Variants in OPHN1 observed in about 807,000 individuals in gnomAD.
The protein encoded by OPHN1 is oligophrenin-1.
In OPHN1, 11 loss-of-function variants were observed where a neutral mutation model predicts 60.7. That is an observed-to-expected ratio of 0.18 (90% CI 0.11 to 0.30). The LOEUF is 0.30. Among genes scored for constraint, OPHN1 ranks in the 10% least tolerant of loss-of-function variants. OPHN1 has a pLI of 1.00. For synonymous variants in OPHN1, 226 were observed against 222.6 expected (o/e 1.02, Z -0.14); for missense variants, 449 against 611.0 (o/e 0.73, Z 2.80).
intron 18 of OPHN1, 83 bp from the exon 19 acceptor site, chrX:68,097,112 G>A: frequency 1.1e-6 from 1 of 952,337 alleles, no homozygotes; most frequent in South Asian, 2.6e-5. Context: ...GCTGTAGAGG[G>A]TAAGAGAAAC....
intron 15 of OPHN1, among the ~76,000 whole-genome samples, chrX:68,163,063 A>AT (rs1187339630): frequency 3.6e-5 from 4 of 111,114 alleles, no homozygotes; most frequent in Non-Finnish European, 5.7e-5. Flanking sequence ...AACTCCAACT[A>AT]TTTTTGTTAA....
At chrX:68,057,912 A>G (rs1028638344) in intron 21 of OPHN1, among the ~76,000 whole-genome samples, 4 of 111,469 alleles carry the variant, frequency 3.6e-5, no homozygotes, top group African/African-American at 1.3e-4. Context: ...TGGGGATTGG[A>G]CTGTTTTTCC....
At chrX:68,189,006 A>G (rs996438987) in intron 15 of OPHN1, among the ~76,000 whole-genome samples, 23 of 112,621 alleles carry the variant, frequency 2.0e-4, no homozygotes, top group South Asian at 7.3e-4. Flanking sequence ...TGAAAATAAC[A>G]TAAATAACAT....
At chrX:68,284,482 T>C (rs1012180561) in intron 3 of OPHN1, among the ~76,000 whole-genome samples, 4 of 110,806 alleles carry the variant, frequency 3.6e-5, no homozygotes, top group Admixed American at 9.7e-5. Flanking sequence ...TGCAGAACCA[T>C]GAGCCAAATA....
chrX:68,244,554 C>G (rs2077796548), intron 5 of OPHN1, among the ~76,000 whole-genome samples: 1 of 111,754 alleles, frequency 8.9e-6, no homozygotes, highest in South Asian at 3.7e-4. Context: ...TGAATGAACA[C>G]ATGAAGCAAA....
At chrX:68,302,051 G>A (rs191210298) in intron 2 of OPHN1, among the ~76,000 whole-genome samples, 14 of 112,208 alleles carry the variant, frequency 1.2e-4, no homozygotes, top group Admixed American at 5.7e-4. Context: ...CCACGTTATC[G>A]CTTGTATCAG....
intron 15 of OPHN1, among the ~76,000 whole-genome samples, chrX:68,140,191 C>G (rs1602184876): frequency 9.0e-6 from 1 of 111,485 alleles, no homozygotes. Flanking sequence ...GTTACTCTAC[C>G]CATACAGGGT....
At chrX:68,194,021 C>T in intron 13 of OPHN1, 69 bp from the exon 14 acceptor site, 1 of 905,523 alleles carries the variant, frequency 1.1e-6, no homozygotes, top group South Asian at 2.0e-5. Context: ...ATTTAATGAC[C>T]ATGCAAAGGG....
chrX:68,271,754 C>T (rs2077970078), intron 5 of OPHN1, among the ~76,000 whole-genome samples: 1 of 110,925 alleles, frequency 9.0e-6, no homozygotes, highest in Non-Finnish European at 1.9e-5. Flanking sequence ...GTGAGAACCC[C>T]CTAGGGTGCA....
intron 19 of OPHN1, among the ~76,000 whole-genome samples, chrX:68,088,588 T>C (rs1412800037): frequency 9.0e-6 from 1 of 111,490 alleles, no homozygotes; most frequent in African/African-American, 3.3e-5. Context: ...AAGGTATTAA[T>C]AAAAGTATTA....
chrX:68,346,868 AAAGT>A (rs753710452), intron 2 of OPHN1, among the ~76,000 whole-genome samples: 1 of 112,314 alleles, frequency 8.9e-6, no homozygotes, highest in Non-Finnish European at 1.9e-5. Flanking sequence ...AAAAGCTGAC[AAAGT>A]AAGCTCAATT....
At chrX:68,323,220 T>C (rs1370490434) in intron 2 of OPHN1, among the ~76,000 whole-genome samples, 1 of 112,230 alleles carries the variant, frequency 8.9e-6, no homozygotes, top group African/African-American at 3.2e-5. Flanking sequence ...AAGATACAAT[T>C]ACATTTTTTA....
At chrX:68,112,558 T>C (rs192258074) in intron 17 of OPHN1, 10 of 115,520 alleles carry the variant, frequency 8.7e-5, no homozygotes, top group African/African-American at 3.2e-4. Context: ...TGAATCTTTT[T>C]CCTCTACACC....
chrX:68,218,572 G>C (rs1395028723), intron 6 of OPHN1, among the ~76,000 whole-genome samples: 1 of 110,861 alleles, frequency 9.0e-6, no homozygotes. Flanking sequence ...CAGACTAACA[G>C]CGGATCTTTC....
At chrX:68,360,095 C>A (rs2078464288) in intron 2 of OPHN1, among the ~76,000 whole-genome samples, 1 of 110,931 alleles carries the variant, frequency 9.0e-6, no homozygotes, top group South Asian at 3.8e-4. Flanking sequence ...ACAGTGTCTG[C>A]AATTACATAT....
chrX:68,225,492 T>C (rs2077686283), intron 6 of OPHN1, among the ~76,000 whole-genome samples: 1 of 111,665 alleles, frequency 9.0e-6, no homozygotes, highest in Admixed American at 9.5e-5. Flanking sequence ...AACTGACAAC[T>C]CATACAGCTG....
chrX:68,405,813 G>T (rs1446868608), intron 2 of OPHN1, among the ~76,000 whole-genome samples: 2 of 111,328 alleles, frequency 1.8e-5, no homozygotes, highest in African/African-American at 6.5e-5. Flanking sequence ...AAACTTTTGG[G>T]ACATAATGGG....
chrX:68,114,509 C>T (rs961280857), intron 16 of OPHN1, among the ~76,000 whole-genome samples: 1 of 111,113 alleles, frequency 9.0e-6, no homozygotes, highest in African/African-American at 3.3e-5. Context: ...ATCTGTAATC[C>T]CAGCACTTTG....
chrX:68,378,464 T>C (rs1386773972), intron 2 of OPHN1, among the ~76,000 whole-genome samples: 23 of 111,991 alleles, frequency 2.1e-4, no homozygotes, highest in African/African-American at 6.2e-4. Flanking sequence ...ATTTTGGCTT[T>C]TGTTGCCATT....
Sources: gnomAD v4.1 joint callset for allele counts (sites outside exome capture counted in the v4.1 genomes callset) on GRCh38, gnomAD v4.1.1 for gene constraint, MANE v1.5 for transcripts, NCBI Gene and HGNC (gene_info 2026-07-23, HGNC 2026-07-21) for gene names.